The following OPCML variants were observed in gnomAD, a reference collection of about 807,000 sequenced individuals.
OPCML encodes opioid binding protein/cell adhesion molecule like.
In OPCML, 13 loss-of-function variants were observed where a neutral mutation model predicts 37.8. That is an observed-to-expected ratio of 0.34 (90% CI 0.22 to 0.55). The LOEUF (loss-of-function observed/expected upper bound fraction) is 0.55. Ranked by LOEUF, OPCML falls within the 20% of genes least tolerant of loss-of-function variation. The pLI is 0.91. For synonymous variants in OPCML, 176 were observed against 168.8 expected (o/e 1.04, Z -0.33); for missense variants, 341 against 435.6 (o/e 0.78, Z 1.93).
At chr11:132,859,873 C>T (rs1359612874) in intron 2 of OPCML, 2 of 152,198 alleles carry the variant, frequency 1.3e-5, no homozygotes, top group African/African-American at 4.8e-5. Context: ...ACTATGGGCT[C>T]AGCTACATAT....
intron 4 of OPCML, among the ~76,000 whole-genome samples, chr11:132,513,652 T>C (rs1393880623): frequency 1.3e-5 from 2 of 152,174 alleles, no homozygotes; most frequent in African/African-American, 2.4e-5. Context: ...TCTTTGCCTC[T>C]ACCTCACCCA....
intron 2 of OPCML, among the ~76,000 whole-genome samples, chr11:132,699,794 G>A (rs1943737387): frequency 1.3e-5 from 2 of 151,960 alleles, no homozygotes; most frequent in South Asian, 4.1e-4. Flanking sequence ...CAGGAATATT[G>A]GCCTATCTTT....
intron 1 of OPCML, among the ~76,000 whole-genome samples, chr11:133,356,083 T>C (rs1186024959): frequency 3.3e-5 from 5 of 152,192 alleles, no homozygotes; most frequent in Admixed American, 3.3e-4. Context: ...AAATAAGTAA[T>C]TAAGAATGAC....
chr11:133,092,797 T>A (rs1053364138), intron 1 of OPCML, among the ~76,000 whole-genome samples: 1 of 152,044 alleles, frequency 6.6e-6, no homozygotes, highest in Non-Finnish European at 1.5e-5. Flanking sequence ...GGTTGGTACA[T>A]CTTTATGAGA....
chr11:133,163,520 A>T (rs1950171235), intron 1 of OPCML, among the ~76,000 whole-genome samples: 2 of 152,208 alleles, frequency 1.3e-5, no homozygotes, highest in South Asian at 4.1e-4. Context: ...TTCAGGAATA[A>T]TAGTTTGTTT....
At chr11:133,328,955 G>T (rs1346249016) in intron 1 of OPCML, among the ~76,000 whole-genome samples, 7 of 152,086 alleles carry the variant, frequency 4.6e-5, no homozygotes, top group African/African-American at 1.7e-4. Flanking sequence ...GCCCAAAATC[G>T]CCTCAAGCTG....
At chr11:133,475,961 C>T (rs1947229392) in intron 1 of OPCML, among the ~76,000 whole-genome samples, 1 of 152,256 alleles carries the variant, frequency 6.6e-6, no homozygotes, top group South Asian at 2.1e-4. Context: ...GAGTAGCAAG[C>T]TGCATCCATT....
chr11:132,773,063 A>G (rs12797698), intron 2 of OPCML: 14,765 of 152,238 alleles, frequency 0.097, 832 homozygotes, highest in African/African-American at 0.13. Flanking sequence ...AGGGAGGGGC[A>G]GAGACCTAGG....
At chr11:133,525,407 G>T (rs143866686) in intron 1 of OPCML, among the ~76,000 whole-genome samples, 1 of 152,314 alleles carries the variant, frequency 6.6e-6, no homozygotes, top group East Asian at 1.9e-4. Flanking sequence ...AGCTGGAAAG[G>T]CAGAGAGCTG....
At chr11:132,580,988 CT>C (rs1383938907) in intron 3 of OPCML, among the ~76,000 whole-genome samples, 1 of 152,086 alleles carries the variant, frequency 6.6e-6, no homozygotes, top group African/African-American at 2.4e-5. Context: ...GATTTGAGTC[CT>C]GTCCAGACCA....
At chr11:133,134,150 C>T (rs993813723) in intron 1 of OPCML, among the ~76,000 whole-genome samples, 2 of 151,996 alleles carry the variant, frequency 1.3e-5, no homozygotes, top group Admixed American at 1.3e-4. Context: ...ACCTGTGGGG[C>T]CAATAAAAAG....
At chr11:132,572,388 C>T (rs1264661829) in intron 3 of OPCML, among the ~76,000 whole-genome samples, 2 of 151,926 alleles carry the variant, frequency 1.3e-5, no homozygotes, top group Admixed American at 6.6e-5. Context: ...AGTCTCATGT[C>T]TTCTGTTTAA....
intron 1 of OPCML, among the ~76,000 whole-genome samples, chr11:133,088,106 A>G (rs1055912826): frequency 1.9e-4 from 29 of 152,212 alleles, no homozygotes; most frequent in African/African-American, 7.0e-4. Context: ...ATTAATGTTG[A>G]CAGTGGATGG....
chr11:132,763,478 A>G (rs1946334076), intron 2 of OPCML, among the ~76,000 whole-genome samples: 2 of 152,288 alleles, frequency 1.3e-5, no homozygotes, highest in South Asian at 4.1e-4. Flanking sequence ...TTGAAAAGTG[A>G]CGCTCTTTCC....
At chr11:133,214,407 G>T (rs567439934) in intron 1 of OPCML, among the ~76,000 whole-genome samples, 3 of 152,110 alleles carry the variant, frequency 2.0e-5, no homozygotes, top group Admixed American at 1.3e-4. Flanking sequence ...GGCTTTCAAT[G>T]GGAAGCTCAC....
intron 2 of OPCML, among the ~76,000 whole-genome samples, chr11:132,743,244 C>G (rs73601305): frequency 0.11 from 17,323 of 152,064 alleles, 1,303 homozygotes; most frequent in African/African-American, 0.2. Flanking sequence ...CTTCATTATT[C>G]AACCATACAG....
rs182933070 is a variant in OPCML, at chr11:132,746,075, C to A, written c.147-88756G>T. On this transcript the variant is annotated intron_variant, in intron 2 of 7. Coordinates refer to ENST00000524381, the MANE Select transcript of OPCML (RefSeq NM_001012393.5). ...CCAGCACCTCCAGTTTTGCCCTCCC[C>A]AAGCTCTTCACAAAGTTGTTGTTTT... Among the ~76,000 whole-genome samples the A allele has an allele frequency of 2.3e-3, 343 of 151,988 alleles. 1 individual carries two copies. Among genetic ancestry groups the A allele is most frequent in the Non-Finnish European group, 4.2e-3 (284 of 67,948 alleles).
chr11:132,602,504 G>A (rs1258453442), intron 3 of OPCML, among the ~76,000 whole-genome samples: 4 of 152,132 alleles, frequency 2.6e-5, no homozygotes, highest in Admixed American at 2.6e-4. Flanking sequence ...TTGCTTCTGA[G>A]TCCCGGAAGG....
chr11:133,514,293 G>C (rs548396179), intron 1 of OPCML, among the ~76,000 whole-genome samples: 29 of 152,198 alleles, frequency 1.9e-4, no homozygotes, highest in Non-Finnish European at 2.9e-4. Context: ...CGAGTTGGCT[G>C]CTCCCTAGTT....
Sources: gnomAD v4.1 joint callset for allele counts (sites outside exome capture counted in the v4.1 genomes callset) on GRCh38, gnomAD v4.1.1 for gene constraint, MANE v1.5 for transcripts, NCBI Gene and HGNC (gene_info 2026-07-23, HGNC 2026-07-21) for gene names.